The following TYW1B variants were observed in gnomAD, a reference collection of about 807,000 sequenced individuals.
TYW1B encodes tRNA-yW synthesizing protein 1 homolog B, also known as S-adenosyl-L-methionine-dependent tRNA 4-demethylwyosine synthase TYW1B.
TYW1B carries 73 observed loss-of-function variants against 86.9 expected under a neutral mutation model. The ratio of observed to expected loss-of-function variants is 0.84; its 90% CI spans 0.70 to 1.02. The LOEUF is 1.02. Ranked by LOEUF, TYW1B falls within the 50% of genes least tolerant of loss-of-function variation. The pLI, the probability that TYW1B is intolerant of heterozygous loss-of-function variation, is 0.00. For missense variants in TYW1B, 637 were observed against 827.4 expected (o/e 0.77, Z 2.82); for synonymous variants, 248 against 292.8 (o/e 0.85, Z 1.56).
At chr7:72,763,403 C>T (rs1787720568) in intron 7 of TYW1B, among the ~76,000 whole-genome samples, 1 of 151,208 alleles carries the variant, frequency 6.6e-6, no homozygotes, top group South Asian at 2.1e-4. Flanking sequence ...CTGCCTCAGC[C>T]TCCTGAGTAG....
At chr7:72,663,636 C>T (rs1450562233) in intron 11 of TYW1B, among the ~76,000 whole-genome samples, 1 of 151,274 alleles carries the variant, frequency 6.6e-6, no homozygotes, top group Non-Finnish European at 1.5e-5. Context: ...TGGTGGCAGG[C>T]GCCTGTAGTC....
intron 9 of TYW1B, among the ~76,000 whole-genome samples, chr7:72,722,467 G>A (rs1459228848): frequency 1.3e-5 from 2 of 152,134 alleles, no homozygotes; most frequent in South Asian, 4.1e-4. Flanking sequence ...TTAGAAGGGG[G>A]CAGGCAGCAT....
chr7:72,657,780 T>A (rs2844176), intron 11 of TYW1B, among the ~76,000 whole-genome samples: 126 of 140,754 alleles, frequency 9.0e-4, no homozygotes, highest in African/African-American at 1.5e-3. Context: ...TTTCCCAGAC[T>A]AGTAAAAACA....
At chr7:72,626,595 C>A (rs561620442) in intron 12 of TYW1B, among the ~76,000 whole-genome samples, 80 of 152,266 alleles carry the variant, frequency 5.3e-4, no homozygotes, top group Non-Finnish European at 9.3e-4. Flanking sequence ...TGTATCTCAG[C>A]AAACAGTTTC....
rs781954855 is a variant in TYW1B at position 72,710,597 on chromosome 7, G to A, written c.1370+3024C>T. Among the ~76,000 whole-genome samples, 35 of 152,246 alleles carry A rather than the reference G, an allele frequency of 2.3e-4. 1 individual carries two copies. Among genetic ancestry groups the A allele is most frequent in the South Asian group, 1.5e-3 (7 of 4,816 alleles). ...TCCCAGCACTTTGGGAGGCCGAGGC[G>A]GGTGTATCACTTGAGGTCAGGAGTT... is the stretch of plus-strand genomic sequence containing the variant. On this transcript the variant is annotated intron_variant, in intron 10 of 13. Coordinates refer to ENST00000620995, the MANE Select transcript of TYW1B (RefSeq NM_001145440.3).
At chr7:72,812,338 G>A (rs1387706136) in intron 3 of TYW1B, among the ~76,000 whole-genome samples, 6 of 152,180 alleles carry the variant, frequency 3.9e-5, no homozygotes, top group Admixed American at 2.0e-4. Context: ...GGTCAGGTGC[G>A]AAATTTTCCA....
intron 10 of TYW1B, among the ~76,000 whole-genome samples, chr7:72,709,651 G>C (rs1355427503): frequency 2.6e-4 from 39 of 152,106 alleles, no homozygotes; most frequent in Non-Finnish European, 2.8e-4. Context: ...CTGGGTGACA[G>C]AGCGAGACTC....
intron 11 of TYW1B, among the ~76,000 whole-genome samples, chr7:72,660,585 C>T (rs1554444310): frequency 1.3e-5 from 2 of 152,116 alleles, no homozygotes; most frequent in Admixed American, 6.6e-5. Context: ...ACCAGTTTCC[C>T]GTTTGCAAAA....
chr7:72,673,558 A>C (rs1264475263), intron 11 of TYW1B, among the ~76,000 whole-genome samples: 1 of 152,158 alleles, frequency 6.6e-6, no homozygotes, highest in Middle Eastern at 3.2e-3. Context: ...AAACAATTCA[A>C]CTCATGGAGA....
At chr7:72,704,428 T>A (rs1814564548) in intron 10 of TYW1B, among the ~76,000 whole-genome samples, 1 of 100,998 alleles carries the variant, frequency 9.9e-6, no homozygotes, top group African/African-American at 4.0e-5. Context: ...AATGAGATTC[T>A]ATCTTAAAAA....
At chr7:72,670,135 T>C (rs376939542) in intron 11 of TYW1B, among the ~76,000 whole-genome samples, 1 of 152,056 alleles carries the variant, frequency 6.6e-6, no homozygotes, top group African/African-American at 2.4e-5. Context: ...TGTCTCTAAA[T>C]AGTAATAGCA....
intron 12 of TYW1B, among the ~76,000 whole-genome samples, chr7:72,625,207 AT>A (rs1396795792): frequency 8.5e-5 from 13 of 152,188 alleles, no homozygotes; most frequent in African/African-American, 3.1e-4. Flanking sequence ...TTCACATAAA[AT>A]TTTTCATCTC....
chr7:72,673,123 G>A (rs577153365), intron 11 of TYW1B, among the ~76,000 whole-genome samples: 3 of 152,234 alleles, frequency 2.0e-5, no homozygotes, highest in South Asian at 2.1e-4. Context: ...AGCCGAGATC[G>A]GCCACTGCAC....
At chr7:72,811,229 C>T (rs1445861338) in intron 3 of TYW1B, among the ~76,000 whole-genome samples, 14 of 148,658 alleles carry the variant, frequency 9.4e-5, no homozygotes, top group East Asian at 2.0e-4. Flanking sequence ...CGAGATCGCG[C>T]CACTGCACTC....
intron 11 of TYW1B, among the ~76,000 whole-genome samples, chr7:72,679,260 A>C (rs2129569900): frequency 1.3e-5 from 2 of 152,346 alleles, no homozygotes; most frequent in East Asian, 3.9e-4. Flanking sequence ...ATATCCTATG[A>C]TCCAGCAACT....
At chr7:72,611,396 C>T (rs1314259900) in intron 13 of TYW1B, among the ~76,000 whole-genome samples, 3 of 152,122 alleles carry the variant, frequency 2.0e-5, no homozygotes, top group African/African-American at 7.2e-5. Context: ...TGGGAAGGAC[C>T]TGGTGGGAGA....
At chr7:72,688,126 T>A (rs1299957698) in intron 11 of TYW1B, among the ~76,000 whole-genome samples, 1 of 152,194 alleles carries the variant, frequency 6.6e-6, no homozygotes, top group Non-Finnish European at 1.5e-5. Flanking sequence ...TGAACATGCA[T>A]AAAAACTGTA....
At chr7:72,627,629 G>A (rs1264049503) in intron 12 of TYW1B, among the ~76,000 whole-genome samples, 2 of 151,864 alleles carry the variant, frequency 1.3e-5, no homozygotes, top group Non-Finnish European at 2.9e-5. Context: ...TACACTCATC[G>A]GAATCTATCC....
intron 8 of TYW1B, among the ~76,000 whole-genome samples, chr7:72,737,503 T>G (rs1192994850): frequency 2.0e-5 from 3 of 152,156 alleles, no homozygotes; most frequent in Non-Finnish European, 4.4e-5. Flanking sequence ...ATCCTGTTAT[T>G]TCTTTTGAAT....
Sources: gnomAD v4.1 joint callset for allele counts (sites outside exome capture counted in the v4.1 genomes callset) on GRCh38, gnomAD v4.1.1 for gene constraint, MANE v1.5 for transcripts, NCBI Gene and HGNC (gene_info 2026-07-23, HGNC 2026-07-21) for gene names.